Variants in SAMMSON observed in about 807,000 individuals in gnomAD.
SAMMSON encodes the protein long intergenic non-protein coding RNA 1212.
At chr3:70,191,142 T>C (rs906413553) in intron 4 of SAMMSON, among the ~76,000 whole-genome samples, 4 of 152,200 alleles carry the variant, frequency 2.6e-5, no homozygotes, top group African/African-American at 9.6e-5. Context: ...CAGAAAGTGC[T>C]GAAAGAGGAA....
At chr3:70,434,328 A>C (rs1701441147) in intron 2 of SAMMSON, among the ~76,000 whole-genome samples, 1 of 152,100 alleles carries the variant, frequency 6.6e-6, no homozygotes, top group South Asian at 2.1e-4. Flanking sequence ...AGTTTTCCTC[A>C]TAGAGATCTT....
At chr3:70,173,308 G>A (rs1006489745) in intron 4 of SAMMSON, among the ~76,000 whole-genome samples, 2 of 151,898 alleles carry the variant, frequency 1.3e-5, no homozygotes, top group Non-Finnish European at 2.9e-5. Flanking sequence ...CCCGTGGGAT[G>A]TGCTGCATTA....
chr3:70,007,465 C>T (rs2066932540), intron 1 of SAMMSON, among the ~76,000 whole-genome samples: 1 of 152,090 alleles, frequency 6.6e-6, no homozygotes, highest in African/African-American at 2.4e-5. Context: ...AGTGTCTGTT[C>T]ATATCCTTCA....
At chr3:70,071,482 A>T (rs941843127) in exon 4 of SAMMSON, 10 of 151,888 alleles carry the variant, frequency 6.6e-5, no homozygotes, top group Admixed American at 3.3e-4. Context: ...TTAGGTTCTT[A>T]CACACAGTGA....
intron 7 of SAMMSON, among the ~76,000 whole-genome samples, chr3:70,348,444 C>T (rs959014658): frequency 1.3e-5 from 2 of 152,086 alleles, no homozygotes; most frequent in African/African-American, 4.8e-5. Context: ...CTCAGGTTTG[C>T]AGATGGCTGT....
intron 4 of SAMMSON, chr3:70,204,455 T>C (rs755196050): frequency 6.6e-6 from 1 of 152,190 alleles, no homozygotes; most frequent in Admixed American, 6.6e-5. Context: ...GGTCTTAGGT[T>C]GGCTTCTTTT....
At chr3:70,296,499 A>G (rs1474453067) in intron 7 of SAMMSON, among the ~76,000 whole-genome samples, 1 of 152,180 alleles carries the variant, frequency 6.6e-6, no homozygotes, top group African/African-American at 2.4e-5. Flanking sequence ...AATTTTCCAA[A>G]TAAGATAATT....
intron 1 of SAMMSON, among the ~76,000 whole-genome samples, chr3:70,008,112 T>C (rs1000404364): frequency 6.6e-6 from 1 of 152,180 alleles, no homozygotes; most frequent in African/African-American, 2.4e-5. Context: ...TGACTTAGGA[T>C]TGACTTGGCG....
intron 2 of SAMMSON, among the ~76,000 whole-genome samples, chr3:70,421,870 C>T (rs1240727507): frequency 6.6e-6 from 1 of 151,896 alleles, no homozygotes; most frequent in Non-Finnish European, 1.5e-5. Context: ...ATTCCTTTCC[C>T]TTAAGATATT....
chr3:70,384,083 G>T (rs574938659), intron 9 of SAMMSON, among the ~76,000 whole-genome samples: 18 of 151,608 alleles, frequency 1.2e-4, no homozygotes, highest in African/African-American at 4.4e-4. Context: ...AGAAAGCAAG[G>T]GCTAAAAAAA....
At chr3:70,116,294 T>TTC (rs1323511504) in intron 4 of SAMMSON, among the ~76,000 whole-genome samples, 31 of 146,472 alleles carry the variant, frequency 2.1e-4, no homozygotes, top group South Asian at 4.3e-4. Context: ...GATGCTTTCT[T>TTC]TTTTTTTTTT....
intron 4 of SAMMSON, among the ~76,000 whole-genome samples, chr3:70,194,666 T>C (rs1701158297): frequency 1.3e-5 from 2 of 152,242 alleles, no homozygotes; most frequent in Non-Finnish European, 2.9e-5. Flanking sequence ...TAAGACCTGG[T>C]GATTTTTATG....
chr3:70,176,814 A>G (rs62254823), intron 4 of SAMMSON, among the ~76,000 whole-genome samples: 1,758 of 152,264 alleles, frequency 0.012, 23 homozygotes, highest in Non-Finnish European at 0.013. Context: ...GTATAAAAAG[A>G]TGATCATTTT....
intron 7 of SAMMSON, among the ~76,000 whole-genome samples, chr3:70,334,807 TA>T (rs1702649349): frequency 6.6e-6 from 1 of 152,160 alleles, no homozygotes; most frequent in Admixed American, 6.6e-5. Context: ...CCTTAACTAC[TA>T]TACTGAACTA....
rs185177391 is a variant in SAMMSON at position 70,380,038 on chromosome 3, A to G, written n.914-9536A>G. ...TAATAAAAGAAAAAGTTAAAGCCAA[A>G]ATGAAAAATGAAGCCCTAAAAAGTT... On this transcript the variant is annotated intron_variant and non_coding_transcript_variant, in intron 9 of 9. Coordinates refer to ENST00000642114, the Ensembl canonical transcript of SAMMSON. Among the ~76,000 whole-genome samples the G allele has an allele frequency of 1.4e-4, 21 of 152,270 alleles. No homozygotes were observed. In the East Asian group the frequency reaches 4.0e-3, roughly 29 times the overall value.
At chr3:70,060,173 G>A (rs2067182463) in intron 3 of SAMMSON, among the ~76,000 whole-genome samples, 1 of 152,100 alleles carries the variant, frequency 6.6e-6, no homozygotes, top group Non-Finnish European at 1.5e-5. Flanking sequence ...CTTATTGCTG[G>A]AATATTGAGT....
intron 4 of SAMMSON, among the ~76,000 whole-genome samples, chr3:70,076,239 A>G (rs1487134555): frequency 6.6e-6 from 1 of 152,118 alleles, no homozygotes; most frequent in African/African-American, 2.4e-5. Context: ...AGAAGAAGGA[A>G]AAGCTAATAG....
chr3:70,114,057 AG>A (rs1380430727), intron 4 of SAMMSON, among the ~76,000 whole-genome samples: 1 of 152,200 alleles, frequency 6.6e-6, no homozygotes, highest in Non-Finnish European at 1.5e-5. Flanking sequence ...CTAATGCAAT[AG>A]GGTTCCCTGA....
At chr3:70,185,173 G>A (rs1043983497) in intron 4 of SAMMSON, among the ~76,000 whole-genome samples, 4 of 152,216 alleles carry the variant, frequency 2.6e-5, no homozygotes, top group South Asian at 4.1e-4. Context: ...GAAGTTTTAA[G>A]CATCAGACTC....
Sources: gnomAD v4.1 joint callset for allele counts (sites outside exome capture counted in the v4.1 genomes callset) on GRCh38, gnomAD v4.1.1 for gene constraint, MANE v1.5 for transcripts, NCBI Gene and HGNC (gene_info 2026-07-23, HGNC 2026-07-21) for gene names.